Variants in CADM2 observed in about 807,000 individuals in gnomAD.
CADM2 encodes cell adhesion molecule 2.
A neutral mutation model predicts 49.8 loss-of-function variants in CADM2; 12 were observed. The ratio of observed to expected loss-of-function variants is 0.24; its 90% CI spans 0.15 to 0.39. The LOEUF (loss-of-function observed/expected upper bound fraction) is 0.39. Ranked by LOEUF, CADM2 falls within the 10% of genes least tolerant of loss-of-function variation. CADM2 has a pLI of 1.00. For synonymous variants in CADM2, 214 were observed against 175.4 expected, an observed-to-expected ratio of 1.22 and a Z score of -1.74; for missense variants, 378 against 492.3, an observed-to-expected ratio of 0.77 and a Z score of 2.20.
chr3:85,449,323 A>C (rs766015385), intron 1 of CADM2, among the ~76,000 whole-genome samples: 5 of 151,912 alleles, frequency 3.3e-5, no homozygotes, highest in Non-Finnish European at 7.4e-5. Flanking sequence ...AGCTTTTCCC[A>C]GTGAAATAGC....
chr3:85,060,981 C>A (rs760491081), intron 1 of CADM2, among the ~76,000 whole-genome samples: 15 of 152,030 alleles, frequency 9.9e-5, no homozygotes, highest in Admixed American at 2.0e-4. Context: ...CCAGAATGCA[C>A]AAAAATTCTT....
chr3:85,818,901 G>A (rs2073385695), intron 3 of CADM2, among the ~76,000 whole-genome samples: 1 of 142,660 alleles, frequency 7.0e-6, no homozygotes, highest in Non-Finnish European at 1.5e-5. Context: ...TAGGATAGAC[G>A]TATATGTGAA....
chr3:85,305,588 A>C (rs1300480674), intron 1 of CADM2, among the ~76,000 whole-genome samples: 1 of 151,698 alleles, frequency 6.6e-6, no homozygotes, highest in East Asian at 1.9e-4. Context: ...AGCTACCAAC[A>C]ATAATGTTTA....
At position 85,658,576 on chromosome 3, in the gene CADM2, G is replaced by A. The variant is rs867104728; in HGVS notation, c.62-67946G>A. Among the ~76,000 whole-genome samples the A allele has an allele frequency of 3.8e-3, 261 of 68,714 alleles. 2 individuals carry two copies. Among genetic ancestry groups the A allele is most frequent in the Middle Eastern group, 0.02 (2 of 100 alleles). 45.1% of individuals were successfully genotyped at this position (68,714 alleles called of 152,430 possible). A position where few individuals can be genotyped will look rare whatever the true frequency, so the allele number is the denominator to read the frequency against. On this transcript the variant is annotated intron_variant, in intron 1 of 9. Transcript: ENST00000383699. ...CTCTATAAATATATTGGATATATGT[G>A]TATATATATATATATATATATATAT...
intron 1 of CADM2, among the ~76,000 whole-genome samples, chr3:85,200,427 C>T (rs758653392): frequency 5.9e-5 from 9 of 151,730 alleles, no homozygotes; most frequent in Non-Finnish European, 1.2e-4. Context: ...AGTTTGGTGG[C>T]GAGATAAAGT....
intron 1 of CADM2, among the ~76,000 whole-genome samples, chr3:85,041,557 T>C (rs1016458634): frequency 1.3e-5 from 2 of 152,182 alleles, no homozygotes; most frequent in African/African-American, 4.8e-5. Context: ...ATGTAGTGCA[T>C]ATGTTCTGTT....
intron 1 of CADM2, among the ~76,000 whole-genome samples, chr3:85,128,964 C>T (rs1378266790): frequency 6.6e-6 from 1 of 152,134 alleles, no homozygotes; most frequent in Non-Finnish European, 1.5e-5. Flanking sequence ...AATAGATATA[C>T]CTACCAGCAG....
intron 1 of CADM2, among the ~76,000 whole-genome samples, chr3:85,391,842 C>T (rs1321197993): frequency 6.6e-6 from 1 of 152,078 alleles, no homozygotes; most frequent in East Asian, 1.9e-4. Flanking sequence ...GCTGAATCAA[C>T]ACGGATATTC....
intron 1 of CADM2, among the ~76,000 whole-genome samples, chr3:85,590,660 G>C (rs1231729034): frequency 6.6e-6 from 1 of 151,870 alleles, no homozygotes; most frequent in Admixed American, 6.6e-5. Flanking sequence ...TTAAAGGAAA[G>C]GCTTTGAAAA....
chr3:85,877,612 A>T (rs1712080685), intron 3 of CADM2, among the ~76,000 whole-genome samples: 1 of 151,634 alleles, frequency 6.6e-6, no homozygotes, highest in African/African-American at 2.4e-5. Flanking sequence ...CTTACTTAAA[A>T]AATTTGTGTA....
intron 1 of CADM2, among the ~76,000 whole-genome samples, chr3:85,144,620 A>AAAAAAGAAAGAAAGAAAG (rs373935603): frequency 7.3e-6 from 1 of 136,390 alleles, no homozygotes; most frequent in African/African-American, 2.9e-5. Flanking sequence ...TCAAAAAAAA[A>AAAAAAGAAAGAAAGAAAG]AAAGAAAGAA....
intron 1 of CADM2, among the ~76,000 whole-genome samples, chr3:85,507,469 G>A (rs920621996): frequency 2.6e-5 from 4 of 152,094 alleles, no homozygotes; most frequent in Non-Finnish European, 4.4e-5. Context: ...AATTACAGGC[G>A]TGAGCCACCA....
chr3:85,202,733 A>T (rs557455961), intron 1 of CADM2, among the ~76,000 whole-genome samples: 1 of 152,198 alleles, frequency 6.6e-6, no homozygotes, highest in East Asian at 1.9e-4. Context: ...GAAGCCAGAC[A>T]TTGACACCTC....
intron 8 of CADM2, among the ~76,000 whole-genome samples, chr3:86,037,799 A>G (rs952228114): frequency 9.2e-5 from 14 of 152,318 alleles, no homozygotes; most frequent in African/African-American, 3.1e-4. Context: ...ACTTAGGGCT[A>G]AGAGTTCTGT....
intron 1 of CADM2, among the ~76,000 whole-genome samples, chr3:85,680,931 G>C (rs1344591733): frequency 6.6e-6 from 1 of 152,058 alleles, no homozygotes; most frequent in Non-Finnish European, 1.5e-5. Flanking sequence ...AGAATATTGG[G>C]GTTTGGAGTC....
chr3:85,725,519 T>C (rs182504708), intron 1 of CADM2, among the ~76,000 whole-genome samples: 1 of 152,112 alleles, frequency 6.6e-6, no homozygotes, highest in Non-Finnish European at 1.5e-5. Context: ...TGCTTTTGTC[T>C]ATCTTCATTT....
intron 1 of CADM2, among the ~76,000 whole-genome samples, chr3:85,592,799 C>A (rs2063142799): frequency 1.3e-5 from 2 of 151,830 alleles, no homozygotes; most frequent in South Asian, 4.2e-4. Context: ...TGGTTTGCTG[C>A]ACCCACCAAC....
intron 1 of CADM2, among the ~76,000 whole-genome samples, chr3:85,322,800 C>G (rs964031975): frequency 2.6e-5 from 4 of 152,114 alleles, no homozygotes; most frequent in Non-Finnish European, 5.9e-5. Context: ...AGGGGGAGTC[C>G]TAATAAGAAC....
intron 1 of CADM2, among the ~76,000 whole-genome samples, chr3:85,106,115 A>G (rs911190550): frequency 6.6e-6 from 1 of 152,110 alleles, no homozygotes; most frequent in Non-Finnish European, 1.5e-5. Context: ...AAAATAAAAT[A>G]AAATAAAGAA....
Sources: allele counts gnomAD v4.1 joint callset (sites outside exome capture counted in the v4.1 genomes callset), GRCh38; gene constraint gnomAD v4.1.1; transcripts MANE v1.5; gene names NCBI Gene and HGNC (gene_info 2026-07-23, HGNC 2026-07-21).